Variants in TIPIN observed in about 807,000 individuals in gnomAD.
TIPIN encodes the protein TIMELESS-interacting protein.
A neutral mutation model predicts 35.6 loss-of-function variants in TIPIN; 29 were observed. The ratio of observed to expected loss-of-function variants is 0.82; its 90% CI spans 0.61 to 1.11. The LOEUF (loss-of-function observed/expected upper bound fraction) is 1.11. Ranked by LOEUF, TIPIN falls within the 50% of genes most tolerant of loss-of-function variation. The pLI, the probability that TIPIN is intolerant of heterozygous loss-of-function variation, is 0.00. For missense variants in TIPIN, 296 were observed against 345.4 expected (o/e 0.86, Z 1.13); for synonymous variants, 102 against 121.5 (o/e 0.84, Z 1.06).
chr15:66,378,738 T>C (rs2093306906), intron 1 of TIPIN, among the ~76,000 whole-genome samples: 1 of 141,708 alleles, frequency 7.1e-6, no homozygotes, highest in African/African-American at 2.5e-5. Flanking sequence ...ATTCTTTTCT[T>C]CCATATTTTT....
intron 7 of TIPIN, among the ~76,000 whole-genome samples, chr15:66,337,726 A>C (rs2093054679): frequency 6.6e-6 from 1 of 151,130 alleles, no homozygotes; most frequent in Non-Finnish European, 1.5e-5. Flanking sequence ...GTTCAGGACC[A>C]GCCTGGGCCA....
At chr15:66,341,379 C>T (rs199891031) in intron 6 of TIPIN, 23 bp from the exon 7 acceptor site, 69 of 1,590,264 alleles carry the variant, frequency 4.3e-5, no homozygotes, top group South Asian at 4.1e-4. Flanking sequence ...AGAAATAGTA[C>T]ATCTGTGGTG....
chr15:66,368,841 A>G (rs542201916), intron 1 of TIPIN, among the ~76,000 whole-genome samples: 2 of 152,252 alleles, frequency 1.3e-5, no homozygotes, highest in African/African-American at 4.8e-5. Flanking sequence ...AATCGATAAA[A>G]CTAATTTTAC....
intron 7 of TIPIN, 115 bp from the exon 8 acceptor site, chr15:66,337,296 T>G: frequency 1.5e-6 from 1 of 667,306 alleles, no homozygotes; most frequent in Non-Finnish European, 2.4e-6. Context: ...GATCACTTAA[T>G]GTTAATTATG....
rs947387599 is a variant in TIPIN at position 66,352,071 on chromosome 15, A to T, written c.212+58T>A. Reference sequence around the variant, plus strand: ...AACCAAAAGTTTATAACATTAGAAGAAAAACAATGGATATTAAAAATAAAA... The same window carrying T: ...AACCAAAAGTTTATAACATTAGAAGTAAAACAATGGATATTAAAAATAAAA... On this transcript the variant is annotated intron_variant, in intron 3 of 7. Transcript: ENST00000261881. 6 of 1,388,058 alleles carry T rather than the reference A, an allele frequency of 4.3e-6. No homozygotes were observed. The African/African-American group carries it at 9.0e-5, about 21-fold the overall frequency. The allele number at this position is 1,388,058 out of a possible 1,614,324, so 86.0% of individuals were successfully genotyped here.
At chr15:66,386,460 TC>T (rs2093339140) in intron 1 of TIPIN, 1 of 152,500 alleles carries the variant, frequency 6.6e-6, no homozygotes, top group African/African-American at 2.4e-5. Context: ...TTTGTTGGGC[TC>T]AAAGGAGCCT....
intron 1 of TIPIN, among the ~76,000 whole-genome samples, chr15:66,377,239 G>A (rs770661775): frequency 1.3e-5 from 2 of 151,988 alleles, no homozygotes; most frequent in Non-Finnish European, 2.9e-5. Flanking sequence ...ATTTCTCTAA[G>A]CGAGTAGAAT....
At chr15:66,384,524 C>T (rs527496490) in intron 1 of TIPIN, among the ~76,000 whole-genome samples, 1 of 151,892 alleles carries the variant, frequency 6.6e-6, no homozygotes, top group East Asian at 2.0e-4. Flanking sequence ...GAAGTCCTGA[C>T]CTCAAGTGAT....
chr15:66,347,110 T>C, intron 6 of TIPIN: 1 of 374,664 alleles, frequency 2.7e-6, no homozygotes, highest in Non-Finnish European at 5.4e-6. Context: ...CACATTCCTT[T>C]ACATGTTTGA....
At chr15:66,338,484 GT>G (rs1026479696) in intron 7 of TIPIN, among the ~76,000 whole-genome samples, 2 of 152,122 alleles carry the variant, frequency 1.3e-5, no homozygotes, top group Admixed American at 6.6e-5. Flanking sequence ...TTCATGTAAT[GT>G]TTCACATGGT....
chr15:66,343,701 A>C (rs182369564), intron 6 of TIPIN, among the ~76,000 whole-genome samples: 2 of 152,222 alleles, frequency 1.3e-5, no homozygotes, highest in Non-Finnish European at 2.9e-5. Context: ...AGAAACAAGC[A>C]TTAGAGCCAC....
At chr15:66,353,038 G>T in intron 1 of TIPIN, 83 bp from the exon 2 acceptor site, 2 of 1,365,520 alleles carry the variant, frequency 1.5e-6, no homozygotes, top group Non-Finnish European at 2.0e-6. Context: ...GCCATTTCAT[G>T]TGTTTCAATC....
In TIPIN at chr15:66,341,908, G is replaced by T. The variant is rs150174760; in HGVS notation, c.476-552C>A. On this transcript the variant is annotated intron_variant, in intron 6 of 7. Coordinates refer to ENST00000261881, the MANE Select transcript of TIPIN (RefSeq NM_017858.3). ...ACAATTTAAAATATGCATGAAGGCCGGGCGCGGTGGCTCACGCCTGTAATC... is the reference window on the plus strand; with the variant it reads ...ACAATTTAAAATATGCATGAAGGCCTGGCGCGGTGGCTCACGCCTGTAATC... Among the ~76,000 whole-genome samples the T allele has an allele frequency of 7.2e-3, 1,098 of 152,176 alleles. 13 individuals carry two copies. Among genetic ancestry groups the T allele is most frequent in the African/African-American group, 0.025 (1,056 of 41,504 alleles).
intron 1 of TIPIN, among the ~76,000 whole-genome samples, chr15:66,355,585 TA>T (rs1249981286): frequency 6.6e-6 from 1 of 151,076 alleles, no homozygotes; most frequent in Non-Finnish European, 1.5e-5. Context: ...CCATCTCTAC[TA>T]AAAATACAAA....
At chr15:66,382,482 A>AT (rs2093321865) in intron 1 of TIPIN, among the ~76,000 whole-genome samples, 1 of 152,124 alleles carries the variant, frequency 6.6e-6, no homozygotes, top group Non-Finnish European at 1.5e-5. Context: ...TCAAGCGATC[A>AT]TCCCACCTCA....
intron 1 of TIPIN, among the ~76,000 whole-genome samples, chr15:66,353,943 AC>A (rs1401633628): frequency 6.6e-6 from 1 of 151,878 alleles, no homozygotes; most frequent in East Asian, 1.9e-4. Flanking sequence ...ACACAGTGAA[AC>A]CCCGTCTCTA....
intron 1 of TIPIN, chr15:66,379,166 G>T (rs1468733521): frequency 1.1e-6 from 1 of 894,104 alleles, no homozygotes; most frequent in Admixed American, 3.1e-5. Context: ...TGGAATCACA[G>T]GCATGAGCCA....
intron 4 of TIPIN, among the ~76,000 whole-genome samples, chr15:66,349,943 G>A (rs2093155587): frequency 6.9e-6 from 1 of 144,486 alleles, no homozygotes; most frequent in Non-Finnish European, 1.5e-5. Flanking sequence ...CTGGATACAG[G>A]GGTTTTTTTT....
At chr15:66,355,738 G>A (rs62627266) in intron 1 of TIPIN, among the ~76,000 whole-genome samples, 2,390 of 152,250 alleles carry the variant, frequency 0.016, 64 homozygotes, top group African/African-American at 0.055. Flanking sequence ...GCGAAAGAGC[G>A]AGACTCCGTT....
Sources: allele counts gnomAD v4.1 joint callset (sites outside exome capture counted in the v4.1 genomes callset), GRCh38; gene constraint gnomAD v4.1.1; transcripts MANE v1.5; gene names NCBI Gene and HGNC (gene_info 2026-07-23, HGNC 2026-07-21).